RBM20: variants seen among roughly 807,000 people sequenced by gnomAD.
The protein encoded by RBM20 is RNA-binding protein 20.
RBM20 carries 51 observed loss-of-function variants against 110.1 expected under a neutral mutation model. The observed-to-expected ratio is 0.46, with a 90% CI of 0.37 to 0.59. The LOEUF (loss-of-function observed/expected upper bound fraction) is 0.59, where lower values mean the gene tolerates loss of function less well. Among genes scored for constraint, RBM20 ranks in the 20% least tolerant of loss-of-function variants. The pLI, the probability that RBM20 is intolerant of heterozygous loss-of-function variation, is 0.00. For missense variants in RBM20, 1,512 were observed against 1,574.9 expected (o/e 0.96, Z 0.68); for synonymous variants, 589 against 618.2 (o/e 0.95, Z 0.70).
At chr10:110,766,640 GGGTAA>G (rs1844089477) in intron 1 of RBM20, among the ~76,000 whole-genome samples, 1 of 151,172 alleles carries the variant, frequency 6.6e-6, no homozygotes, top group African/African-American at 2.4e-5. Flanking sequence ...ACAGGGTTGG[GGGTAA>G]GGTCACAGAT....
chr10:110,802,756 G>T (rs865858318), intron 7 of RBM20, among the ~76,000 whole-genome samples: 1 of 152,244 alleles, frequency 6.6e-6, no homozygotes, highest in Non-Finnish European at 1.5e-5. Context: ...AGGTGCCATG[G>T]AGGGAGAAGT....
At chr10:110,756,047 C>T (rs1843916448) in intron 1 of RBM20, among the ~76,000 whole-genome samples, 1 of 152,228 alleles carries the variant, frequency 6.6e-6, no homozygotes, top group Non-Finnish European at 1.5e-5. Context: ...GTGACAATGA[C>T]AGCGGATTCC....
At chr10:110,787,053 A>T (rs958721748) in intron 5 of RBM20, among the ~76,000 whole-genome samples, 5 of 152,174 alleles carry the variant, frequency 3.3e-5, no homozygotes, top group African/African-American at 1.2e-4. Flanking sequence ...CTAGGGACCT[A>T]AGTTCAAGTC....
chr10:110,764,618 C>G (rs1040280637), intron 1 of RBM20, among the ~76,000 whole-genome samples: 3 of 152,250 alleles, frequency 2.0e-5, no homozygotes, highest in Non-Finnish European at 2.9e-5. Flanking sequence ...TTCGCTCCCT[C>G]CCTCCCTCGC....
chr10:110,681,234 A>C (rs1862419614), intron 1 of RBM20, among the ~76,000 whole-genome samples: 1 of 152,224 alleles, frequency 6.6e-6, no homozygotes, highest in Non-Finnish European at 1.5e-5. Context: ...CCCTGCTGTT[A>C]GACCACGTCT....
At chr10:110,710,500 GC>G (rs1862908740) in intron 1 of RBM20, among the ~76,000 whole-genome samples, 1 of 152,138 alleles carries the variant, frequency 6.6e-6, no homozygotes, top group Non-Finnish European at 1.5e-5. Flanking sequence ...GCCCCACTGG[GC>G]CTCCTCAGAG....
intron 1 of RBM20, among the ~76,000 whole-genome samples, chr10:110,780,500 C>A (rs1001292745): frequency 6.6e-6 from 1 of 152,104 alleles, no homozygotes; most frequent in South Asian, 2.1e-4. Flanking sequence ...CTCTCCAACA[C>A]GGAGTGCCAT....
chr10:110,729,540 C>T (rs1248608414), intron 1 of RBM20, among the ~76,000 whole-genome samples: 6 of 152,170 alleles, frequency 3.9e-5, no homozygotes, highest in Non-Finnish European at 7.3e-5. Context: ...GGCTATGAGC[C>T]GCAGGAGGGC....
At chr10:110,731,087 T>C (rs1233649065) in intron 1 of RBM20, among the ~76,000 whole-genome samples, 1 of 152,222 alleles carries the variant, frequency 6.6e-6, no homozygotes, top group East Asian at 1.9e-4. Context: ...GTTTGAGGTA[T>C]GAAACTGTTT....
intron 1 of RBM20, among the ~76,000 whole-genome samples, chr10:110,649,992 G>A (rs142732343): frequency 1.7e-3 from 261 of 152,302 alleles, no homozygotes; most frequent in African/African-American, 5.7e-3. Context: ...CACCACGGGG[G>A]TATTGTTGGT....
At chr10:110,835,268 C>T (rs921610915) in intron 13 of RBM20, 1 of 151,574 alleles carries the variant, frequency 6.6e-6, no homozygotes, top group African/African-American at 2.4e-5. Context: ...TAGATAAGGG[C>T]TTTGGAAGTG....
intron 5 of RBM20, among the ~76,000 whole-genome samples, chr10:110,795,017 C>G (rs1844531762): frequency 6.6e-6 from 1 of 152,246 alleles, no homozygotes; most frequent in Non-Finnish European, 1.5e-5. Context: ...AGGCCTGGAA[C>G]TGCCTTGGGT....
chr10:110,696,558 T>A (rs1403467997), intron 1 of RBM20, among the ~76,000 whole-genome samples: 2 of 151,916 alleles, frequency 1.3e-5, no homozygotes, highest in Non-Finnish European at 2.9e-5. Flanking sequence ...ACCTTGGAAG[T>A]GATGAAGGTG....
chr10:110,682,374 T>C (rs1048659914), intron 1 of RBM20, among the ~76,000 whole-genome samples: 6 of 152,228 alleles, frequency 3.9e-5, no homozygotes, highest in African/African-American at 1.4e-4. Flanking sequence ...GAGCCAACTT[T>C]TTCTATCTAG....
At position 110,781,645 on chromosome 10, in the gene RBM20, C is replaced by T. The variant is rs1844351224; in HGVS notation, c.1036C>T (p.Pro346Ser). The T allele has an allele frequency of 2.6e-6, 4 of 1,548,814 alleles. No homozygotes were observed. Among genetic ancestry groups the T allele is most frequent in the Middle Eastern group, 1.7e-4 (1 of 5,976 alleles). Residue 346 changes from proline to serine, a missense_variant, in exon 2 of 14, where the codon CCC (proline) becomes TCC (serine). Physicochemically the swap from Pro to Ser is moderately conservative, Grantham distance 74. Coordinates refer to ENST00000369519, the MANE Select transcript of RBM20 (RefSeq NM_001134363.3). Reference protein sequence around the residue: ...GPMWPPPHNQPYELYDPEEPT... With the variant: ...GPMWPPPHNQSYELYDPEEPT... ...CATGTGGCCTCCACCCCACAACCAG[C>T]CCTATGAGCTGTACGACCCCGAGGA...
intron 1 of RBM20, among the ~76,000 whole-genome samples, chr10:110,770,543 C>G (rs974301906): frequency 1.3e-5 from 2 of 152,190 alleles, no homozygotes; most frequent in Admixed American, 1.3e-4. Context: ...GTCTTCCTCC[C>G]CCACTGGCCC....
At chr10:110,663,833 A>G (rs1862140515) in intron 1 of RBM20, among the ~76,000 whole-genome samples, 1 of 152,204 alleles carries the variant, frequency 6.6e-6, no homozygotes, top group South Asian at 2.1e-4. Context: ...AGCTGTTTTC[A>G]GTAATATTGT....
chr10:110,695,903 A>C (rs1862655466), intron 1 of RBM20, among the ~76,000 whole-genome samples: 1 of 152,234 alleles, frequency 6.6e-6, no homozygotes, highest in South Asian at 2.1e-4. Flanking sequence ...AAAATTTGTT[A>C]AACGAGTCAC....
chr10:110,798,648 C>T (rs192240586), intron 6 of RBM20, among the ~76,000 whole-genome samples: 10 of 152,244 alleles, frequency 6.6e-5, no homozygotes, highest in East Asian at 3.9e-4. Flanking sequence ...TAGTCGCCCA[C>T]GCTAATGCCA....
Sources: gnomAD v4.1 joint callset for allele counts (sites outside exome capture counted in the v4.1 genomes callset) on GRCh38, gnomAD v4.1.1 for gene constraint, MANE v1.5 for transcripts, NCBI Gene and HGNC (gene_info 2026-07-23, HGNC 2026-07-21) for gene names.